Variants in RBMS3 observed in about 807,000 individuals in gnomAD.
The protein encoded by RBMS3 is RNA binding motif single stranded interacting protein 3.
Under a neutral mutation model 66.8 loss-of-function variants are expected in RBMS3, and 27 were observed. That is an observed-to-expected ratio of 0.40 (90% CI 0.30 to 0.56). RBMS3 has a LOEUF of 0.56. Ranked by LOEUF, RBMS3 falls within the 20% of genes least tolerant of loss-of-function variation. The pLI, the probability that RBMS3 is intolerant of heterozygous loss-of-function variation, is 0.40. For synonymous variants in RBMS3, 188 were observed against 183.0 expected, an observed-to-expected ratio of 1.03 and a Z score of -0.22; for missense variants, 513 against 549.5, an observed-to-expected ratio of 0.93 and a Z score of 0.66.
At chr3:29,432,281 GAAC>G (rs1258065043) in intron 1 of RBMS3, among the ~76,000 whole-genome samples, 1 of 152,174 alleles carries the variant, frequency 6.6e-6, no homozygotes, top group East Asian at 1.9e-4. Flanking sequence ...GAGACTGGCA[GAAC>G]AACAGCAACA....
At chr3:29,400,358 T>A (rs2039751767) in intron 1 of RBMS3, among the ~76,000 whole-genome samples, 1 of 151,990 alleles carries the variant, frequency 6.6e-6, no homozygotes, top group Non-Finnish European at 1.5e-5. Context: ...TTACGTGAGA[T>A]GGCTAGAGTA....
intron 6 of RBMS3, among the ~76,000 whole-genome samples, chr3:29,799,612 A>G (rs11719025): frequency 0.11 from 16,405 of 152,212 alleles, 1,026 homozygotes; most frequent in African/African-American, 0.16. Flanking sequence ...GAAACTAAGC[A>G]TGACCCCCCT....
intron 4 of RBMS3, among the ~76,000 whole-genome samples, chr3:29,713,624 A>G (rs1471946196): frequency 6.6e-6 from 1 of 152,160 alleles, no homozygotes; most frequent in East Asian, 1.9e-4. Context: ...TTCTCTTCAA[A>G]CATTCTAGCA....
At chr3:29,348,971 TC>T (rs1411359217) in intron 1 of RBMS3, among the ~76,000 whole-genome samples, 1 of 152,170 alleles carries the variant, frequency 6.6e-6, no homozygotes, top group Admixed American at 6.5e-5. Flanking sequence ...GGTTCTCATT[TC>T]TAACCCTGCT....
At chr3:29,630,128 G>A (rs1267359222) in intron 4 of RBMS3, among the ~76,000 whole-genome samples, 2 of 151,800 alleles carry the variant, frequency 1.3e-5, no homozygotes, top group African/African-American at 4.8e-5. Flanking sequence ...CTTCCATCTT[G>A]CCAGCCCTTG....
At chr3:29,777,970 G>A (rs1455613956) in intron 6 of RBMS3, among the ~76,000 whole-genome samples, 2 of 151,794 alleles carry the variant, frequency 1.3e-5, no homozygotes, top group Admixed American at 6.6e-5. Context: ...TTGAAGTGTC[G>A]TTCAAATAAA....
chr3:29,480,452 A>C (rs1165287152), intron 2 of RBMS3, among the ~76,000 whole-genome samples: 1 of 152,218 alleles, frequency 6.6e-6, no homozygotes, highest in Non-Finnish European at 1.5e-5. Flanking sequence ...GATGGAGATA[A>C]GGGAAAAAGT....
intron 10 of RBMS3, chr3:29,903,074 A>G (rs1243454700): frequency 1.3e-5 from 2 of 151,974 alleles, no homozygotes; most frequent in African/African-American, 2.4e-5. Context: ...AAAGTTTGCC[A>G]TTTAAGTTTG....
chr3:29,816,323 C>G (rs1193418575), intron 6 of RBMS3, among the ~76,000 whole-genome samples: 2 of 148,602 alleles, frequency 1.3e-5, no homozygotes, highest in African/African-American at 5.0e-5. Flanking sequence ...CACACACACA[C>G]ACACACACAC....
At chr3:29,366,252 A>T (rs1289671818) in intron 1 of RBMS3, among the ~76,000 whole-genome samples, 1 of 152,214 alleles carries the variant, frequency 6.6e-6, no homozygotes, top group Non-Finnish European at 1.5e-5. Flanking sequence ...TTACTTTGTT[A>T]AGTGATAGTT....
intron 12 of RBMS3, among the ~76,000 whole-genome samples, chr3:29,963,699 G>A (rs968107575): frequency 3.3e-5 from 5 of 151,880 alleles, no homozygotes; most frequent in African/African-American, 7.2e-5. Flanking sequence ...GTGGTGGCGC[G>A]TGCTTATAAT....
chr3:29,492,158 C>G (rs181125885), intron 3 of RBMS3, among the ~76,000 whole-genome samples: 1 of 152,296 alleles, frequency 6.6e-6, no homozygotes, highest in East Asian at 1.9e-4. Context: ...TGAATCACAA[C>G]CTTCATCAAG....
At chr3:29,706,874 C>T (rs1490655896) in intron 4 of RBMS3, among the ~76,000 whole-genome samples, 1 of 152,142 alleles carries the variant, frequency 6.6e-6, no homozygotes, top group Non-Finnish European at 1.5e-5. Flanking sequence ...AGATATCTTG[C>T]ATCCATTTTC....
intron 3 of RBMS3, among the ~76,000 whole-genome samples, chr3:29,586,479 A>G (rs2047524260): frequency 6.6e-6 from 1 of 152,130 alleles, no homozygotes; most frequent in African/African-American, 2.4e-5. Flanking sequence ...GTATTTAATC[A>G]TTCTTTTTCA....
chr3:29,750,374 C>A (rs746160439), intron 5 of RBMS3, among the ~76,000 whole-genome samples: 11 of 151,940 alleles, frequency 7.2e-5, no homozygotes, highest in Non-Finnish European at 1.3e-4. Flanking sequence ...AAAAGAGTAG[C>A]CATGGTCAAA....
intron 14 of RBMS3, among the ~76,000 whole-genome samples, chr3:29,997,015 C>T (rs59785296): frequency 0.14 from 21,581 of 151,082 alleles, 1,776 homozygotes; most frequent in East Asian, 0.2. Context: ...ATTGATAGAC[C>T]GCTAGCAAGA....
At chr3:29,376,467 G>A (rs1241316826) in intron 1 of RBMS3, among the ~76,000 whole-genome samples, 1 of 152,168 alleles carries the variant, frequency 6.6e-6, no homozygotes, top group Non-Finnish European at 1.5e-5. Context: ...TTTCACGGGA[G>A]CAGTTAAAAA....
chr3:29,682,142 ATGTT>A (rs201155024), intron 4 of RBMS3, among the ~76,000 whole-genome samples: 8 of 151,992 alleles, frequency 5.3e-5, no homozygotes, highest in Non-Finnish European at 1.0e-4. Flanking sequence ...AGGCAATTAG[ATGTT>A]TGTTTGTTTG....
At chr3:29,507,087 A>T (rs1576048068) in intron 3 of RBMS3, among the ~76,000 whole-genome samples, 1 of 141,940 alleles carries the variant, frequency 7.0e-6, no homozygotes, top group African/African-American at 2.6e-5. Context: ...TTCTGCTCTG[A>T]TCTTTGTTTT....
Sources: gnomAD v4.1 joint callset for allele counts (sites outside exome capture counted in the v4.1 genomes callset) on GRCh38, gnomAD v4.1.1 for gene constraint, MANE v1.5 for transcripts, NCBI Gene and HGNC (gene_info 2026-07-23, HGNC 2026-07-21) for gene names.